Variants in ADAMTS19 observed in about 807,000 individuals in gnomAD.
ADAMTS19 encodes ADAM metallopeptidase with thrombospondin type 1 motif 19.
In ADAMTS19, 93 loss-of-function variants were observed where a neutral mutation model predicts 153.3. That is an observed-to-expected ratio of 0.61 (90% CI 0.51 to 0.72). ADAMTS19 has a LOEUF of 0.72. ADAMTS19 is among the 30% of genes least tolerant of loss of function. The pLI, the probability that ADAMTS19 is intolerant of heterozygous loss-of-function variation, is 0.00. For synonymous variants in ADAMTS19, 600 were observed against 556.6 expected (o/e 1.08, Z -1.10); for missense variants, 1,482 against 1,552.1 (o/e 0.95, Z 0.76).
chr5:129,655,414 T>G (rs573279660), intron 14 of ADAMTS19, among the ~76,000 whole-genome samples: 3 of 152,270 alleles, frequency 2.0e-5, no homozygotes, highest in South Asian at 2.1e-4. Context: ...AGGAAAGAAA[T>G]AAATCCTTTG....
At chr5:129,544,153 G>T (rs1269481565) in intron 6 of ADAMTS19, among the ~76,000 whole-genome samples, 2 of 152,008 alleles carry the variant, frequency 1.3e-5, no homozygotes, top group African/African-American at 4.8e-5. Context: ...TATACTCATG[G>T]CTAGCAACAA....
chr5:129,700,906 A>C (rs1755810090), intron 19 of ADAMTS19, among the ~76,000 whole-genome samples: 1 of 151,958 alleles, frequency 6.6e-6, no homozygotes, highest in South Asian at 2.1e-4. Flanking sequence ...TTTGGTTAAA[A>C]AAAAAAAGGT....
chr5:129,684,256 A>AT lies in ADAMTS19; in HGVS notation c.2802dup (p.Ala935CysfsTer28). The AT allele has an allele frequency of 6.2e-7, 1 of 1,614,116 alleles. No individual in the cohort carries two copies. Among genetic ancestry groups the AT allele is most frequent in the Non-Finnish European group, 8.5e-7 (1 of 1,180,010 alleles). On this transcript the variant is annotated frameshift_variant, in exon 18 of 23. Transcript: ENST00000274487. LOFTEE classifies it high-confidence loss of function. ...ACACACACAAGCTGGGAAGATTGCG[A>AT]TGCCACTTGTGGAGGAGGTGAAGGA...
At position 129,738,073 on chromosome 5, in the gene ADAMTS19, TAA is replaced by T. The variant is rs1757747889; in HGVS notation, c.*857_*858del. 1 of 152,474 alleles carries T rather than the reference TAA, an allele frequency of 6.6e-6. No homozygotes were observed. Among genetic ancestry groups the T allele is most frequent in the South Asian group, 2.1e-4 (1 of 4,836 alleles). The allele number at this position is 152,474 out of a possible 1,614,324, so 9.4% of individuals were successfully genotyped here. On this transcript the variant is annotated 3_prime_UTR_variant, in exon 23 of 23. Transcript: ENST00000274487. Reference sequence around the variant, plus strand: ...CCCTGTATCTTTTTAGCAGATTTATTAAAGAGTATAGTACTTAGCCTCACGAA... The same window carrying T: ...CCCTGTATCTTTTTAGCAGATTTATTAGAGTATAGTACTTAGCCTCACGAA...
At chr5:129,605,987 G>A (rs1193506998) in intron 8 of ADAMTS19, among the ~76,000 whole-genome samples, 2 of 151,984 alleles carry the variant, frequency 1.3e-5, no homozygotes, top group African/African-American at 4.8e-5. Context: ...TTTGATTTTT[G>A]AACCAGAGAA....
chr5:129,662,887 C>CTTTTTTT (rs545012539), intron 15 of ADAMTS19, among the ~76,000 whole-genome samples: 1 of 125,416 alleles, frequency 8.0e-6, no homozygotes, highest in Non-Finnish European at 1.6e-5. Context: ...GATTCTTCTT[C>CTTTTTTT]ATTTTTTTTT....
Position 129,665,563 on chromosome 5 carries a change from G to A in ADAMTS19, c.2490G>A (p.Pro830=), listed in dbSNP as rs375177439. ...GAATCAAAGTTGTGGAGGAAAAGCC[G>A]GCACATAGCTATTTAGGTAACCTGT... is the stretch of plus-strand genomic sequence containing the variant. ...ARRIKVVEEK[P]AHSYLALRDA... is the part of the protein sequence containing the mutation. The change falls in exon 16 of 23, where the codon CCG becomes CCA. Residue 830 remains proline, a synonymous_variant. Transcript: ENST00000274487. The A allele has an allele frequency of 2.0e-5, 33 of 1,609,810 alleles. No individual in the cohort carries two copies. The highest frequency in any genetic ancestry group is 1.7e-4 in the African/African-American group (13 of 74,758).
chr5:129,660,532 A>G (rs1422340479), intron 15 of ADAMTS19, among the ~76,000 whole-genome samples: 1 of 152,074 alleles, frequency 6.6e-6, no homozygotes, highest in East Asian at 1.9e-4. Context: ...TGATGCCTTT[A>G]TTTAATTGTA....
At chr5:129,574,013 A>C (rs910646827) in intron 7 of ADAMTS19, among the ~76,000 whole-genome samples, 7 of 152,048 alleles carry the variant, frequency 4.6e-5, no homozygotes, top group Admixed American at 6.6e-5. Context: ...CAATGTTGTC[A>C]GTGAACAATA....
At chr5:129,650,389 C>A (rs79306519) in intron 13 of ADAMTS19, among the ~76,000 whole-genome samples, 1 of 152,026 alleles carries the variant, frequency 6.6e-6, no homozygotes, top group African/African-American at 2.4e-5. Flanking sequence ...TTTCAGTGCC[C>A]CCATCTGATG....
chr5:129,605,206 T>C (rs1319977522), intron 8 of ADAMTS19, among the ~76,000 whole-genome samples: 2 of 152,168 alleles, frequency 1.3e-5, no homozygotes, highest in African/African-American at 4.8e-5. Context: ...ACAAAGCAAA[T>C]TGCCTGGCTT....
intron 10 of ADAMTS19, 25 bp from the exon 11 acceptor site, chr5:129,641,834 T>C (rs1441322396): frequency 1.4e-6 from 2 of 1,474,272 alleles, no homozygotes; most frequent in African/African-American, 1.4e-5. Context: ...CTTCCCCTTA[T>C]TAGTTATTGT....
At chr5:129,543,679 G>T (rs1001316428) in intron 6 of ADAMTS19, among the ~76,000 whole-genome samples, 3 of 152,146 alleles carry the variant, frequency 2.0e-5, no homozygotes, top group East Asian at 1.9e-4. Flanking sequence ...GTATTTGAGG[G>T]TGGAGTTAAT....
intron 21 of ADAMTS19, 71 bp from the exon 22 acceptor site, chr5:129,734,861 C>T: frequency 1.5e-6 from 2 of 1,315,120 alleles, no homozygotes; most frequent in East Asian, 2.6e-5. Flanking sequence ...AATGTTCCCA[C>T]ACCCTAGAAA....
At chr5:129,665,362 T>C (rs1338070125) in intron 15 of ADAMTS19, 137 bp from the exon 16 acceptor site, 3 of 561,332 alleles carry the variant, frequency 5.3e-6, no homozygotes, top group Non-Finnish European at 8.9e-6. Flanking sequence ...CTTTTATATA[T>C]AAAAATTTTT....
chr5:129,624,875 G>A (rs1194253944), intron 10 of ADAMTS19, among the ~76,000 whole-genome samples: 1 of 152,002 alleles, frequency 6.6e-6, no homozygotes, highest in East Asian at 1.9e-4. Flanking sequence ...TAGGGTACAT[G>A]TGCACAATGT....
At chr5:129,567,913 CA>C (rs1239592768) in intron 7 of ADAMTS19, among the ~76,000 whole-genome samples, 1 of 151,912 alleles carries the variant, frequency 6.6e-6, no homozygotes, top group Non-Finnish European at 1.5e-5. Context: ...AAAATGACAC[CA>C]AAAAACAAGC....
chr5:129,589,404 C>A (rs1213957718), intron 7 of ADAMTS19, among the ~76,000 whole-genome samples: 1 of 151,666 alleles, frequency 6.6e-6, no homozygotes, highest in Admixed American at 6.6e-5. Flanking sequence ...GTTATTTATA[C>A]ATTATAATTA....
At chr5:129,703,153 A>G (rs1755991620) in intron 20 of ADAMTS19, among the ~76,000 whole-genome samples, 1 of 150,170 alleles carries the variant, frequency 6.7e-6, no homozygotes, top group South Asian at 2.1e-4. Flanking sequence ...TGCCCCACAC[A>G]CATATCCAGA....
Sources: gnomAD v4.1 joint callset for allele counts (sites outside exome capture counted in the v4.1 genomes callset) on GRCh38, gnomAD v4.1.1 for gene constraint, MANE v1.5 for transcripts, NCBI Gene and HGNC (gene_info 2026-07-23, HGNC 2026-07-21) for gene names.